Variants in FADS2 observed in about 807,000 individuals in gnomAD.
The protein encoded by FADS2 is fatty acid desaturase 2, also known as acyl-CoA 6-desaturase.
Under a neutral mutation model 61.2 loss-of-function variants are expected in FADS2, and 18 were observed. That is an observed-to-expected ratio of 0.29 (90% CI 0.20 to 0.44). The LOEUF (loss-of-function observed/expected upper bound fraction) is 0.44, where lower values mean the gene tolerates loss of function less well. FADS2 is among the 20% of genes least tolerant of loss of function. The pLI, the probability that FADS2 is intolerant of heterozygous loss-of-function variation, is 1.00. For synonymous variants in FADS2, 203 were observed against 223.9 expected (o/e 0.91, Z 0.83); for missense variants, 322 against 572.7 (o/e 0.56, Z 4.47).
intron 1 of FADS2, among the ~76,000 whole-genome samples, chr11:61,819,673 C>A (rs1354938984): frequency 6.6e-6 from 1 of 152,128 alleles, no homozygotes; most frequent in African/African-American, 2.4e-5. Context: ...AAAATAATGT[C>A]ATCTTTCCTT....
In FADS2 at chr11:61,837,798, C is replaced by T. The variant is rs937866666; in HGVS notation, c.228C>T (p.His76=). The T allele has an allele frequency of 8.7e-6, 14 of 1,613,026 alleles. No individual in the cohort carries two copies. Among genetic ancestry groups the T allele is most frequent in the Non-Finnish European group, 1.2e-5 (14 of 1,179,544 alleles). ...TCCAGGATGCCTTCCGCGCCTTCCA[C>T]CCTGACCTGGAATTCGTGGGCAAGT... ...EDATDAFRAF[H]PDLEFVGKFL... Residue 76 remains histidine (H), a synonymous_variant, in exon 2 of 12, where the codon CAC becomes CAT. Coordinates refer to ENST00000278840, the MANE Select transcript of FADS2 (RefSeq NM_004265.4).
At position 61,865,954 on chromosome 11, in the gene FADS2, G is replaced by T. The variant is rs1310436801; in HGVS notation, c.*265G>T. Reference sequence around the variant, plus strand: ...GCCTCCTAGCCCCTTCTTCCAAGGAGCAGAGAGGTGGCCACCGGGGGTGGC... The same window carrying T: ...GCCTCCTAGCCCCTTCTTCCAAGGATCAGAGAGGTGGCCACCGGGGGTGGC... On this transcript the variant is annotated 3_prime_UTR_variant, in exon 12 of 12. Coordinates refer to ENST00000278840, the MANE Select transcript of FADS2 (RefSeq NM_004265.4). This position sits in a 1 kb window ranked among gnomAD's most constrained non-coding sequence, Gnocchi z 4.1. 2 of 516,944 alleles carry T rather than the reference G, an allele frequency of 3.9e-6. No homozygotes were observed. Among genetic ancestry groups the T allele is most frequent in the Non-Finnish European group, 6.9e-6 (2 of 289,702 alleles). 32.0% of individuals were successfully genotyped at this position (516,944 alleles called of 1,614,324 possible).
chr11:61,865,567 C>T lies in FADS2; in HGVS notation c.1284-71C>T. On this transcript the variant is annotated intron_variant, in intron 11 of 11. Transcript: ENST00000278840. This position sits in a 1 kb window ranked among gnomAD's most constrained non-coding sequence, Gnocchi z 4.1. ...ATACATGCCACCTTAATGATGGCCT[C>T]CTCAGCCCTTGCACTCCCTGGGGCC... 7.1e-7 allele frequency: 1 copy of T among 1,408,000 alleles called. No individual in the cohort carries two copies. The highest frequency in any genetic ancestry group is 1.0e-6 in the Non-Finnish European group (1 of 1,002,650). The allele number at this position is 1,408,000 out of a possible 1,614,324, so 87.2% of individuals were successfully genotyped here.
chr11:61,857,541 G>C lies in FADS2; in HGVS notation c.882+11G>C. 6.2e-7 allele frequency: 1 copy of C among 1,611,156 alleles called. No individual in the cohort carries two copies. The highest frequency in any genetic ancestry group is 1.3e-5 in the African/African-American group (1 of 74,980). Reference sequence around the variant, plus strand: ...CATAAGAACTGGGTGGTGAGTTGGGGACACAGCTGGCTTGGCATGGGGAGG... The same window carrying C: ...CATAAGAACTGGGTGGTGAGTTGGGCACACAGCTGGCTTGGCATGGGGAGG... On this transcript the variant is annotated intron_variant, in intron 7 of 11. Transcript: ENST00000278840.
At chr11:61,824,809 G>A (rs983727882), upstream of FADS2, among the ~76,000 whole-genome samples, 1 of 152,148 alleles carries the variant, frequency 6.6e-6, no homozygotes, top group African/African-American at 2.4e-5. Flanking sequence ...TGGGAGCAGG[G>A]AATGGGGGAG....
chr11:61,865,146 C>T lies in FADS2; in HGVS notation c.1158-6C>T. On this transcript the variant is annotated splice_polypyrimidine_tract_variant and splice_region_variant and intron_variant, in intron 10 of 11. Transcript: ENST00000278840. The surrounding 1 kb of genome is among the most constrained non-coding windows in gnomAD (Gnocchi z 4.1). ...TCACGCTCTGCCCACCCTACACACTCCTCAGCCTCTTCCCCACCATGCCCC... is the reference window on the plus strand; with the variant it reads ...TCACGCTCTGCCCACCCTACACACTTCTCAGCCTCTTCCCCACCATGCCCC... The T allele has an allele frequency of 6.2e-7, 1 of 1,612,840 alleles. No individual in the cohort carries two copies. Among genetic ancestry groups the T allele is most frequent in the Non-Finnish European group, 8.5e-7 (1 of 1,179,610 alleles).
intron 1 of FADS2, among the ~76,000 whole-genome samples, chr11:61,820,037 A>G (rs910821907): frequency 6.6e-6 from 1 of 151,992 alleles, no homozygotes; most frequent in South Asian, 2.1e-4. Flanking sequence ...CACCTGGCCA[A>G]CATGGTGAAA....
intron 5 of FADS2, among the ~76,000 whole-genome samples, chr11:61,852,738 G>A (rs1471062128): frequency 6.6e-6 from 1 of 152,118 alleles, no homozygotes; most frequent in Non-Finnish European, 1.5e-5. Context: ...GCCTTCCAAT[G>A]AATGGGATAG....
intron 5 of FADS2, chr11:61,856,283 G>A (rs2067358519): frequency 6.6e-6 from 1 of 152,228 alleles, no homozygotes; most frequent in Non-Finnish European, 1.5e-5. Context: ...TCCTCCATTA[G>A]AGCCTCTGGG....
chr11:61,863,570 G>C, intron 9 of FADS2, 137 bp from the exon 10 acceptor site: 1 of 788,596 alleles, frequency 1.3e-6, no homozygotes, highest in South Asian at 1.6e-5. Flanking sequence ...GCATCTGGGT[G>C]GGCTGAGGCC....
chr11:61,821,266 T>G, intron 1 of FADS2: 1 of 616,400 alleles, frequency 1.6e-6, no homozygotes, highest in Non-Finnish European at 2.9e-6. Flanking sequence ...GTGCCTATAA[T>G]CCCAGTGCTT....
In FADS2 at chr11:61,848,151, C is replaced by A. The variant is rs775830458; in HGVS notation, c.619-8C>A. On this transcript the variant is annotated splice_polypyrimidine_tract_variant and splice_region_variant and intron_variant, in intron 4 of 11. Coordinates refer to ENST00000278840, the MANE Select transcript of FADS2 (RefSeq NM_004265.4). ...GCATGGCTCATCCCCACCCCTCTCT[C>A]CCCACAGGGTGCCTCTGCCAACTGG... 3.1e-6 allele frequency: 5 copies of A among 1,614,092 alleles called. No individual in the cohort carries two copies. The Admixed American group carries it at 8.3e-5, about 27-fold the overall frequency.
chr11:61,836,284 G>A (rs1188864953), intron 1 of FADS2, among the ~76,000 whole-genome samples: 1 of 152,120 alleles, frequency 6.6e-6, no homozygotes, highest in African/African-American at 2.4e-5. Flanking sequence ...TTTCAGTAGA[G>A]GTGGGATTTC....
Position 61,822,371 on chromosome 11 carries a change from C to G in FADS2, c.141+5945C>G, listed in dbSNP as rs149876506. 5.1e-3 allele frequency among the ~76,000 whole-genome samples: 770 copies of G among 152,356 alleles called. 3 individuals are homozygous for G. The highest frequency in any genetic ancestry group is 0.011 in the Admixed American group (167 of 15,298). ...ACAGATCCAAAGAGCTGAAGCCACA[C>G]ATGAAATTTAGTATATTTGGGGCTA... On this transcript the variant is annotated intron_variant, in intron 1 of 11. Transcript: ENST00000257261.
rs1409483573 is a variant in FADS2, at chr11:61,816,548, C to T, written c.141+122C>T. ...CCTCTCCTGTGCCCCCGCCTGGCTG[C>T]GCTCACCGTGGCATCCTGCCCGGCG... is the stretch of plus-strand genomic sequence containing the variant. On this transcript the variant is annotated intron_variant, in intron 1 of 11. Coordinates refer to the FADS2 transcript ENST00000257261. This position sits in a 1 kb window ranked among gnomAD's most constrained non-coding sequence, Gnocchi z 7.0. 7 of 1,601,112 alleles carry T rather than the reference C, an allele frequency of 4.4e-6. No homozygotes were observed. Among genetic ancestry groups the T allele is most frequent in the South Asian group, 2.2e-5 (2 of 89,460 alleles).
intron 7 of FADS2, 177 bp from the exon 8 acceptor site, chr11:61,862,795 A>T (rs949513313): frequency 2.0e-5 from 12 of 613,434 alleles, no homozygotes; most frequent in Non-Finnish European, 3.5e-5. Context: ...CCTAGAAACA[A>T]AGGCAGCCAT....
chr11:61,865,063 CA>C lies in FADS2; in HGVS notation c.1158-88del. The C allele has an allele frequency of 1.3e-6, 2 of 1,501,496 alleles. No individual in the cohort carries two copies. The highest frequency in any genetic ancestry group is 1.8e-6 in the Non-Finnish European group (2 of 1,109,622). 93.0% of individuals were successfully genotyped at this position (1,501,496 alleles called of 1,614,324 possible). On this transcript the variant is annotated intron_variant, in intron 10 of 11. Transcript: ENST00000278840. This position sits in a 1 kb window ranked among gnomAD's most constrained non-coding sequence, Gnocchi z 4.1. ...CTGTGGACAGGGTCTCTGAGGGCCCCAGCCAGCCTCTGCCCAGGTGGTGGGA... is the reference window on the plus strand; with the variant it reads ...CTGTGGACAGGGTCTCTGAGGGCCCCGCCAGCCTCTGCCCAGGTGGTGGGA...
rs1217854813 is a variant in FADS2, at chr11:61,866,206, G to A, written c.*517G>A. The A allele has an allele frequency of 5.1e-6, 2 of 395,032 alleles. No individual in the cohort carries two copies. The highest frequency in any genetic ancestry group is 7.2e-5 in the East Asian group (2 of 27,932). The allele number at this position is 395,032 out of a possible 1,614,324, so 24.5% of individuals were successfully genotyped here. A position where few individuals can be genotyped will look rare whatever the true frequency, so the allele number is the denominator to read the frequency against. On this transcript the variant is annotated 3_prime_UTR_variant, in exon 12 of 12. Transcript: ENST00000278840. ...GCTGCCATTGGTCCACCCTTTCATA[G>A]AGAGGCCTGCTTTGTTACAAAGCTC...
chr11:61,857,949 A>G (rs1048317301), intron 7 of FADS2, among the ~76,000 whole-genome samples: 1 of 152,202 alleles, frequency 6.6e-6, no homozygotes, highest in Non-Finnish European at 1.5e-5. Flanking sequence ...AGACCGTATG[A>G]CAAAGCACCA....
Sources: gnomAD v4.1 joint callset for allele counts (sites outside exome capture counted in the v4.1 genomes callset) on GRCh38, gnomAD v4.1.1 for gene constraint, Gnocchi (gnomAD v3.1) non-coding constraint, MANE v1.5 for transcripts, NCBI Gene and HGNC (gene_info 2026-07-23, HGNC 2026-07-21) for gene names.